LRP2: variants seen among roughly 807,000 people sequenced by gnomAD.
The protein encoded by LRP2 is LDL receptor related protein 2.
Under a neutral mutation model 531.0 loss-of-function variants are expected in LRP2, and 172 were observed. The ratio of observed to expected loss-of-function variants is 0.32; its 90% CI spans 0.29 to 0.37. The LOEUF (loss-of-function observed/expected upper bound fraction) is 0.37. LRP2 is among the 10% of genes least tolerant of loss of function. The pLI is 1.00. For missense variants in LRP2, 5,167 were observed against 5,868.3 expected (o/e 0.88, Z 3.90); for synonymous variants, 1,992 against 2,027.6 (o/e 0.98, Z 0.47).
Position 169,356,629 on chromosome 2 carries a change from C to T in LRP2, c.79+5692G>A, listed in dbSNP as rs830945. Among the ~76,000 whole-genome samples the T allele has an allele frequency of 6.1e-3, 931 of 152,346 alleles. 7 individuals are homozygous for T. The highest frequency in any genetic ancestry group is 0.03 in the South Asian group (146 of 4,828). ...GAATCAAACCAAGATCCTCCAACTTCAAAATCACAAGCCCTTCCCACTTCA... is the reference window on the plus strand; with the variant it reads ...GAATCAAACCAAGATCCTCCAACTTTAAAATCACAAGCCCTTCCCACTTCA... On this transcript the variant is annotated intron_variant, in intron 1 of 78. Transcript: ENST00000649046.
intron 34 of LRP2, among the ~76,000 whole-genome samples, chr2:169,217,195 C>A (rs934189588): frequency 1.3e-5 from 2 of 151,920 alleles, no homozygotes; most frequent in African/African-American, 4.8e-5. Flanking sequence ...CTTTTGATTG[C>A]ACCTCCTTCT....
intron 1 of LRP2, among the ~76,000 whole-genome samples, chr2:169,328,013 TG>T (rs1216309404): frequency 0.014 from 398 of 28,788 alleles, 5 homozygotes; most frequent in Middle Eastern, 0.028. Context: ...GGGAGGGAGG[TG>T]GGGGGGGGTC....
chr2:169,275,265 T>C (rs1182023395), intron 13 of LRP2, 27 bp from the exon 14 acceptor site: 12 of 1,562,862 alleles, frequency 7.7e-6, no homozygotes, highest in Admixed American at 3.4e-5. Context: ...ATATATATCA[T>C]ACAATTTGTT....
At position 169,247,571 on chromosome 2, in the gene LRP2, A is replaced by G. The variant is rs1690060612; in HGVS notation, c.2771-56T>C. ...TCAGTCACAGCTAACTTATAAATAA[A>G]TCACTTGAGAAAATGCAATAGGCTT... is the stretch of plus-strand genomic sequence containing the variant. On this transcript the variant is annotated intron_variant, in intron 19 of 78. Coordinates refer to ENST00000649046, the MANE Select transcript of LRP2 (RefSeq NM_004525.3). The G allele has an allele frequency of 1.9e-6, 3 of 1,586,844 alleles. No individual in the cohort carries two copies. The African/African-American group carries it at 4.0e-5, about 21-fold the overall frequency.
At chr2:169,197,520 T>C (rs999042381) in intron 45 of LRP2, among the ~76,000 whole-genome samples, 1 of 152,248 alleles carries the variant, frequency 6.6e-6, no homozygotes, top group African/African-American at 2.4e-5. Context: ...TACCAGACTT[T>C]TAGTTGAGTA....
chr2:169,340,710 A>C (rs535794496), intron 1 of LRP2, among the ~76,000 whole-genome samples: 128 of 152,254 alleles, frequency 8.4e-4, no homozygotes, highest in African/African-American at 3.0e-3. Flanking sequence ...TCATGGAACC[A>C]CCAGACCAGC....
At chr2:169,336,602 A>G (rs970607418) in intron 1 of LRP2, among the ~76,000 whole-genome samples, 16 of 151,228 alleles carry the variant, frequency 1.1e-4, no homozygotes, top group Admixed American at 4.0e-4. Context: ...CCATGACCCC[A>G]CTCCTATTCT....
intron 65 of LRP2, among the ~76,000 whole-genome samples, chr2:169,155,552 C>G (rs778744511): frequency 2.4e-4 from 37 of 152,178 alleles, no homozygotes; most frequent in Admixed American, 2.2e-3. Flanking sequence ...ATTTTCTTAT[C>G]AAGTTCCTTA....
intron 3 of LRP2, among the ~76,000 whole-genome samples, chr2:169,318,402 G>C (rs562192099): frequency 2.1e-4 from 32 of 152,028 alleles, no homozygotes; most frequent in African/African-American, 7.5e-4. Flanking sequence ...TGGAAGGTTT[G>C]AATACAAAGT....
intron 48 of LRP2, among the ~76,000 whole-genome samples, chr2:169,191,165 G>A (rs921530032): frequency 3.3e-5 from 5 of 152,248 alleles, no homozygotes; most frequent in Admixed American, 6.5e-5. Flanking sequence ...GCATCAGAAA[G>A]TCTGGCCTTC....
At chr2:169,169,866 C>G (rs778229017) in intron 59 of LRP2, 48 bp from the exon 60 acceptor site, 1 of 1,273,312 alleles carries the variant, frequency 7.9e-7, no homozygotes, top group Non-Finnish European at 1.1e-6. Context: ...CATTTTCAGA[C>G]AGATATTAGG....
intron 31 of LRP2, among the ~76,000 whole-genome samples, chr2:169,227,152 T>A (rs1217758914): frequency 6.6e-6 from 1 of 152,218 alleles, no homozygotes; most frequent in Non-Finnish European, 1.5e-5. Flanking sequence ...GTGTCTCTCT[T>A]CCCTATAAGA....
At chr2:169,173,868 C>A (rs555492829) in intron 56 of LRP2, 51 bp downstream of exon 56, 1 of 1,611,918 alleles carries the variant, frequency 6.2e-7, no homozygotes. Context: ...ATGGAAGTTT[C>A]CTCGTGTCTC....
chr2:169,342,329 A>G (rs1685584984), intron 1 of LRP2, among the ~76,000 whole-genome samples: 1 of 152,186 alleles, frequency 6.6e-6, no homozygotes, highest in Non-Finnish European at 1.5e-5. Context: ...CAAAAACGGC[A>G]ACAAATAAAA....
intron 34 of LRP2, 115 bp from the exon 35 acceptor site, chr2:169,216,545 G>C: frequency 1.0e-6 from 1 of 999,982 alleles, no homozygotes; most frequent in Non-Finnish European, 1.6e-6. Flanking sequence ...AATGGGCAAA[G>C]GCTGAAAATC....
At chr2:169,324,412 C>T (rs1684988432) in intron 1 of LRP2, among the ~76,000 whole-genome samples, 2 of 152,056 alleles carry the variant, frequency 1.3e-5, no homozygotes, top group African/African-American at 4.8e-5. Flanking sequence ...CATTATTGGG[C>T]TGGCATAGAA....
At chr2:169,307,240 G>C (rs757741339) in intron 4 of LRP2, 41 bp downstream of exon 4, 15 of 1,326,200 alleles carry the variant, frequency 1.1e-5, no homozygotes, top group Non-Finnish European at 1.6e-5. Context: ...AAAGGGACAA[G>C]GGTGAAACCA....
chr2:169,287,507 G>A (rs890709373), intron 9 of LRP2, among the ~76,000 whole-genome samples: 4 of 152,072 alleles, frequency 2.6e-5, no homozygotes, highest in Admixed American at 6.6e-5. Flanking sequence ...GCATATGGTA[G>A]GTAAGTGAGC....
At chr2:169,317,736 G>A (rs1436487555) in intron 3 of LRP2, among the ~76,000 whole-genome samples, 3 of 152,118 alleles carry the variant, frequency 2.0e-5, no homozygotes, top group African/African-American at 7.2e-5. Context: ...TAGACAAATT[G>A]CTCATAGGTC....
Sources: allele counts gnomAD v4.1 joint callset (sites outside exome capture counted in the v4.1 genomes callset), GRCh38; gene constraint gnomAD v4.1.1; transcripts MANE v1.5; gene names NCBI Gene and HGNC (gene_info 2026-07-23, HGNC 2026-07-21).